Variants in DHX36 observed in about 807,000 individuals in gnomAD.
The protein encoded by DHX36 is ATP-dependent DNA/RNA helicase DHX36.
Under a neutral mutation model 139.0 loss-of-function variants are expected in DHX36, and 50 were observed. The ratio of observed to expected loss-of-function variants is 0.36; its 90% confidence interval spans 0.29 to 0.46. The LOEUF (loss-of-function observed/expected upper bound fraction) is 0.46, where lower values mean the gene tolerates loss of function less well. DHX36 is among the 20% of genes least tolerant of loss of function. The pLI is 1.00. For synonymous variants in DHX36, 425 were observed against 401.9 expected, an observed-to-expected ratio of 1.06 and a Z score of -0.69; for missense variants, 1,024 against 1,211.3, an observed-to-expected ratio of 0.85 and a Z score of 2.29.
At chr3:154,317,975 C>A (rs2108367789) in intron 1 of DHX36, among the ~76,000 whole-genome samples, 1 of 152,070 alleles carries the variant, frequency 6.6e-6, no homozygotes, top group South Asian at 2.1e-4. Flanking sequence ...AAACAAACAC[C>A]AAAATAGCTG....
At chr3:154,283,642 CT>C (rs201472973) in intron 19 of DHX36, among the ~76,000 whole-genome samples, 81 of 145,968 alleles carry the variant, frequency 5.5e-4, no homozygotes, top group Admixed American at 1.4e-3. Context: ...TTATAGTTTG[CT>C]TTTTTTTTTA....
chr3:154,283,906 A>C (rs1719417474), intron 19 of DHX36, among the ~76,000 whole-genome samples: 1 of 152,186 alleles, frequency 6.6e-6, no homozygotes, highest in African/African-American at 2.4e-5. Context: ...ATCCTCTATT[A>C]CATGTTAAAT....
chr3:154,315,430 ATACT>A (rs1712943666), intron 2 of DHX36, 150 bp from the exon 3 acceptor site: 1 of 517,418 alleles, frequency 1.9e-6, no homozygotes, highest in African/African-American at 2.0e-5. Flanking sequence ...TTATGAAAAT[ATACT>A]TAGATTCTTA....
Position 154,293,765 on chromosome 3 carries a change from G to A in DHX36, c.1653C>T (p.Thr551=), listed in dbSNP as rs138387875. 1.1e-4 allele frequency: 179 copies of A among 1,612,694 alleles called. No homozygotes were observed. The African/African-American group carries it at 2.2e-3, about 20-fold the overall frequency. ...PPGVRKIVIA[T]NIAETSITID... ...ATTTTTACCTAGTCTCCGCAATGTT[G>A]GTAGCAATTACTATTTTCCGAACAC... The change falls in exon 14 of 25, where the codon ACC becomes ACT. Residue 551 remains threonine (T), a synonymous_variant. Transcript: ENST00000496811.
intron 24 of DHX36, 193 bp from the exon 25 acceptor site, chr3:154,276,549 C>T: frequency 4.0e-6 from 3 of 749,238 alleles, no homozygotes; most frequent in Non-Finnish European, 6.4e-6. Flanking sequence ...ACACTGCAAT[C>T]ACACTGAGCC....
intron 1 of DHX36, chr3:154,319,426 A>T (rs570501585): frequency 6.6e-6 from 1 of 152,134 alleles, no homozygotes; most frequent in African/African-American, 2.4e-5. Context: ...CTCAGCATTC[A>T]CACGCAGTTT....
intron 5 of DHX36, among the ~76,000 whole-genome samples, chr3:154,307,517 CACA>C (rs754157406): frequency 2.6e-5 from 4 of 152,038 alleles, no homozygotes; most frequent in Admixed American, 6.6e-5. Flanking sequence ...ATGAAAAATG[CACA>C]ACATCACTAA....
At chr3:154,290,702 T>G (rs1198735385) in intron 15 of DHX36, among the ~76,000 whole-genome samples, 1 of 150,760 alleles carries the variant, frequency 6.6e-6, no homozygotes, top group Non-Finnish European at 1.5e-5. Flanking sequence ...GTAGAAGAGA[T>G]ATTTCTTTAG....
chr3:154,296,473 C>G (rs1712054509), intron 12 of DHX36, among the ~76,000 whole-genome samples: 1 of 151,620 alleles, frequency 6.6e-6, no homozygotes, highest in Admixed American at 6.6e-5. Context: ...GACTCCGTCT[C>G]AAAAATAATA....
intron 23 of DHX36, 82 bp downstream of exon 23, chr3:154,277,516 A>C (rs961903941): frequency 8.6e-6 from 12 of 1,392,244 alleles, no homozygotes; most frequent in African/African-American, 2.9e-5. Context: ...AAAATTTTGT[A>C]TATAATTGTT....
At chr3:154,285,579 T>A (rs1224407205) in intron 17 of DHX36, among the ~76,000 whole-genome samples, 2 of 152,106 alleles carry the variant, frequency 1.3e-5, no homozygotes, top group African/African-American at 4.8e-5. Flanking sequence ...GTGCAGAGGT[T>A]GGGGCCTCTT....
intron 1 of DHX36, among the ~76,000 whole-genome samples, chr3:154,321,202 C>A (rs901469081): frequency 2.0e-5 from 3 of 152,148 alleles, no homozygotes; most frequent in African/African-American, 7.2e-5. Context: ...CAAATACATT[C>A]CTTTTTGGGC....
At chr3:154,310,260 T>G (rs1712679621) in intron 4 of DHX36, among the ~76,000 whole-genome samples, 1 of 152,186 alleles carries the variant, frequency 6.6e-6, no homozygotes, top group Non-Finnish European at 1.5e-5. Context: ...GAATATTGTA[T>G]TTTAAAATTA....
chr3:154,293,299 G>C (rs1711896270), intron 14 of DHX36, among the ~76,000 whole-genome samples: 1 of 152,114 alleles, frequency 6.6e-6, no homozygotes, highest in Admixed American at 6.5e-5. Flanking sequence ...CACAAAACTG[G>C]CCATGCATGG....
chr3:154,300,468 T>C, intron 11 of DHX36, 126 bp downstream of exon 11: 1 of 727,492 alleles, frequency 1.4e-6, no homozygotes, highest in Non-Finnish European at 2.3e-6. Context: ...TGAGATGATT[T>C]CTAGTATCAA....
chr3:154,316,750 G>A (rs942813400), intron 1 of DHX36, among the ~76,000 whole-genome samples: 2 of 151,494 alleles, frequency 1.3e-5, no homozygotes, highest in Non-Finnish European at 2.9e-5. Context: ...AAGGTCCTTG[G>A]TGAACTATGA....
chr3:154,324,401 G>A lies in DHX36; in HGVS notation c.16C>T (p.His6Tyr), dbSNP rs773934907. MSYDY[H>Y]QNWGRDGGPR... The stretch of plus-strand genomic sequence containing the variant: ...CCCCCATCACGGCCCCAGTTCTGAT[G>A]GTAGTCATAACTCATTGTCCTGGCA... The change falls in exon 1 of 25, where the codon CAT (histidine) becomes TAT (tyrosine). Residue 6 changes from histidine (H) to tyrosine (Y), a missense_variant. This residue lies in a region of DHX36 where 293 missense variants were observed against 274.4 expected (regional missense o/e 1.07). Coordinates refer to ENST00000496811, the MANE Select transcript of DHX36 (RefSeq NM_020865.3). 1.9e-6 allele frequency: 3 copies of A among 1,558,858 alleles called. No homozygotes were observed. The highest frequency in any genetic ancestry group is 2.4e-5 in the South Asian group (2 of 84,220).
At chr3:154,289,075 T>C (rs1711675812) in intron 16 of DHX36, 111 bp from the exon 17 acceptor site, 4 of 442,880 alleles carry the variant, frequency 9.0e-6, no homozygotes, top group African/African-American at 2.0e-5. Flanking sequence ...TACATGACTT[T>C]CAAGTTATTT....
chr3:154,292,797 T>C (rs1012228095), intron 14 of DHX36, 103 bp from the exon 15 acceptor site: 2 of 1,473,614 alleles, frequency 1.4e-6, no homozygotes, highest in Non-Finnish European at 1.8e-6. Context: ...GACCAATAAA[T>C]AGGTATTTCA....
Sources: gnomAD v4.1 joint callset for allele counts (sites outside exome capture counted in the v4.1 genomes callset) on GRCh38, gnomAD v4.1.1 for gene constraint, gnomAD v4.1.1 regional missense constraint, MANE v1.5 for transcripts, NCBI Gene and HGNC (gene_info 2026-07-23, HGNC 2026-07-21) for gene names.